STK32B: variants seen among roughly 807,000 people sequenced by gnomAD.
STK32B encodes the protein serine/threonine kinase 32B, also known as serine/threonine-protein kinase 32B.
A neutral mutation model predicts 52.6 loss-of-function variants in STK32B; 43 were observed. That is an observed-to-expected ratio of 0.82 (90% CI 0.64 to 1.05). The LOEUF is 1.05. STK32B is among the 50% of genes least tolerant of loss of function. The pLI, the probability that STK32B is intolerant of heterozygous loss-of-function variation, is 0.00. For missense variants in STK32B, 621 were observed against 534.6 expected, an observed-to-expected ratio of 1.16 and a Z score of -1.59; for synonymous variants, 238 against 204.3, an observed-to-expected ratio of 1.17 and a Z score of -1.41.
intron 11 of STK32B, among the ~76,000 whole-genome samples, chr4:5,478,325 G>A (rs2109191416): frequency 6.6e-6 from 1 of 152,300 alleles, no homozygotes; most frequent in South Asian, 2.1e-4. Flanking sequence ...GGGGCGGAGA[G>A]AGGGAGAGGA....
chr4:5,347,596 T>C (rs1733550585), intron 4 of STK32B, among the ~76,000 whole-genome samples: 1 of 152,146 alleles, frequency 6.6e-6, no homozygotes, highest in Non-Finnish European at 1.5e-5. Context: ...ACCTCATCCA[T>C]GGAGAGTGAT....
intron 4 of STK32B, among the ~76,000 whole-genome samples, chr4:5,350,339 TAA>T (rs1049403573): frequency 7.9e-5 from 12 of 151,726 alleles, no homozygotes; most frequent in African/African-American, 2.4e-4. Flanking sequence ...AAAGGAGAAA[TAA>T]AGTCTTTCCC....
intron 3 of STK32B, among the ~76,000 whole-genome samples, chr4:5,276,341 T>C (rs1242493842): frequency 1.3e-5 from 2 of 152,160 alleles, no homozygotes; most frequent in East Asian, 3.9e-4. Context: ...TTCATGTCTT[T>C]TAAAAAATTA....
At chr4:5,037,555 T>A in the STK32B span, among the ~76,000 whole-genome samples, 1 of 152,196 alleles carries the variant, frequency 6.6e-6, no homozygotes, top group African/African-American at 2.4e-5. Flanking sequence ...GATTCACTGC[T>A]AATAAATATC....
chr4:5,189,453 T>G (rs1193324316), intron 3 of STK32B, among the ~76,000 whole-genome samples: 3 of 152,192 alleles, frequency 2.0e-5, no homozygotes, highest in African/African-American at 7.2e-5. Flanking sequence ...AATATGCGTT[T>G]TAGTTTTCTG....
At chr4:5,197,432 C>A (rs1293155873) in intron 3 of STK32B, among the ~76,000 whole-genome samples, 1 of 152,200 alleles carries the variant, frequency 6.6e-6, no homozygotes, top group African/African-American at 2.4e-5. Context: ...GCAGTGGGCA[C>A]CTCTTACGAC....
At chr4:5,021,790 A>G in the STK32B span, among the ~76,000 whole-genome samples, 2 of 152,328 alleles carry the variant, frequency 1.3e-5, no homozygotes, top group African/African-American at 4.8e-5. Context: ...CCCATTGAGC[A>G]TGAGAATGAA....
chr4:5,159,463 T>TATAC (rs1470147477), intron 2 of STK32B, among the ~76,000 whole-genome samples: 6 of 145,576 alleles, frequency 4.1e-5, no homozygotes, highest in South Asian at 2.1e-4. Flanking sequence ...TATATATATA[T>TATAC]ACACACACAC....
chr4:5,340,521 T>G (rs937908129), intron 4 of STK32B, among the ~76,000 whole-genome samples: 8 of 152,226 alleles, frequency 5.3e-5, no homozygotes, highest in Non-Finnish European at 1.2e-4. Flanking sequence ...GCTTTTCTCA[T>G]TTATTGATGG....
At chr4:5,107,017 C>G (rs1714142486) in intron 1 of STK32B, among the ~76,000 whole-genome samples, 1 of 152,178 alleles carries the variant, frequency 6.6e-6, no homozygotes. Context: ...CCCCAGGAAC[C>G]CGGCTGCATA....
intron 2 of STK32B, among the ~76,000 whole-genome samples, chr4:5,162,456 G>T (rs1267227365): frequency 6.6e-6 from 1 of 152,200 alleles, no homozygotes; most frequent in Non-Finnish European, 1.5e-5. Flanking sequence ...CAGGTTCTCA[G>T]TATGCTCCAG....
At chr4:5,477,060 C>T (rs893705932) in intron 11 of STK32B, among the ~76,000 whole-genome samples, 2 of 152,100 alleles carry the variant, frequency 1.3e-5, no homozygotes, top group African/African-American at 2.4e-5. Context: ...TTTTAAGCCA[C>T]CAAGTTTGCG....
chr4:5,472,884 A>G (rs1049128348), intron 11 of STK32B, among the ~76,000 whole-genome samples: 11 of 152,070 alleles, frequency 7.2e-5, no homozygotes, highest in African/African-American at 2.4e-4. Context: ...GTTGACATCA[A>G]TTCTTGGTTG....
intron 4 of STK32B, among the ~76,000 whole-genome samples, chr4:5,360,397 G>C (rs1380476961): frequency 1.3e-5 from 2 of 152,100 alleles, no homozygotes; most frequent in South Asian, 4.2e-4. Context: ...ACAGTGCCAA[G>C]TGCTTTGAGA....
chr4:5,484,256 A>C (rs1026259190), intron 11 of STK32B, among the ~76,000 whole-genome samples: 7 of 152,194 alleles, frequency 4.6e-5, no homozygotes, highest in Non-Finnish European at 1.0e-4. Context: ...GACTTGCTCT[A>C]TGAATCTGGG....
intron 1 of STK32B, among the ~76,000 whole-genome samples, chr4:5,093,601 T>A (rs975117131): frequency 1.3e-5 from 2 of 152,116 alleles, no homozygotes; most frequent in Admixed American, 1.3e-4. Context: ...TTAGGAGATA[T>A]ACCTAATGTT....
Position 5,467,953 on chromosome 4 carries a change from G to A in STK32B, c.1042-53G>A, listed in dbSNP as rs539011365. ...CCGTCCTGTGATGCTCCATTACCGC[G>A]CGTCCCCGGACCGTGCTTTGTCATT... is the stretch of plus-strand genomic sequence containing the variant. On this transcript the variant is annotated intron_variant, in intron 10 of 11. Coordinates refer to ENST00000282908, the MANE Select transcript of STK32B (RefSeq NM_018401.3). The surrounding 1 kb of genome is among the most constrained non-coding windows in gnomAD (Gnocchi z 5.8). The A allele has an allele frequency of 8.9e-5, 143 of 1,601,920 alleles. 1 individual carries two copies. In the Admixed American group the frequency reaches 1.1e-3, roughly 12 times the overall value.
chr4:5,411,745 G>C (rs1711706991), intron 5 of STK32B, among the ~76,000 whole-genome samples: 1 of 151,970 alleles, frequency 6.6e-6, no homozygotes, highest in East Asian at 1.9e-4. Flanking sequence ...TGAACCATAG[G>C]AGCCTCCACC....
chr4:5,440,749 G>A (rs1714657098), intron 6 of STK32B, among the ~76,000 whole-genome samples: 1 of 152,080 alleles, frequency 6.6e-6, no homozygotes, highest in African/African-American at 2.4e-5. Flanking sequence ...GTTTGTCATA[G>A]ATAGCTCTTA....
Sources: allele counts gnomAD v4.1 joint callset (sites outside exome capture counted in the v4.1 genomes callset), GRCh38; gene constraint gnomAD v4.1.1; non-coding constraint Gnocchi (gnomAD v3.1); transcripts MANE v1.5; gene names NCBI Gene and HGNC (gene_info 2026-07-23, HGNC 2026-07-21).